C12orf42: variants seen among roughly 807,000 people sequenced by gnomAD.
C12orf42 encodes the protein uncharacterized protein C12orf42.
Under a neutral mutation model 21.6 loss-of-function variants are expected in C12orf42, and 25 were observed. The observed-to-expected ratio is 1.16, with a 90% CI of 0.84 to 1.62. The LOEUF (loss-of-function observed/expected upper bound fraction) is 1.62, where lower values mean the gene tolerates loss of function less well. Ranked by LOEUF, C12orf42 falls within the 40% of genes most tolerant of loss-of-function variation. C12orf42 has a pLI of 0.00. For synonymous variants in C12orf42, 174 were observed against 175.0 expected (o/e 0.99, Z 0.05); for missense variants, 483 against 459.3 (o/e 1.05, Z -0.47).
intron 10 of C12orf42, among the ~76,000 whole-genome samples, chr12:103,248,556 A>G (rs1283277363): frequency 6.6e-6 from 1 of 150,524 alleles, no homozygotes; most frequent in East Asian, 1.9e-4. Context: ...ATATTTATAC[A>G]TATATTACAT....
intron 10 of C12orf42, among the ~76,000 whole-genome samples, chr12:103,241,526 G>A (rs567163968): frequency 6.6e-6 from 1 of 152,270 alleles, no homozygotes; most frequent in Non-Finnish European, 1.5e-5. Flanking sequence ...ACTGCAACAT[G>A]AGTTAGGAAA....
At chr12:103,104,835 C>T in the C12orf42 span, among the ~76,000 whole-genome samples, 236 of 152,328 alleles carry the variant, frequency 1.5e-3, no homozygotes, top group Middle Eastern at 3.4e-3. Context: ...GGTTCTAACC[C>T]TGGTGGGGCT....
chr12:103,549,774 C>T, the C12orf42 span, among the ~76,000 whole-genome samples: 1 of 152,178 alleles, frequency 6.6e-6, no homozygotes, highest in Non-Finnish European at 1.5e-5. Context: ...TACCAATCTT[C>T]CAGACATCTA....
At chr12:103,363,448 G>A (rs757736199) in intron 4 of C12orf42, among the ~76,000 whole-genome samples, 2 of 151,814 alleles carry the variant, frequency 1.3e-5, no homozygotes, top group Non-Finnish European at 2.9e-5. Context: ...AAAGACCAAG[G>A]TATACAGGCA....
At chr12:103,098,627 A>T in the C12orf42 span, among the ~76,000 whole-genome samples, 1 of 152,362 alleles carries the variant, frequency 6.6e-6, no homozygotes, top group Admixed American at 6.5e-5. Flanking sequence ...GACATCGTGC[A>T]GCTTCATCTA....
At chr12:103,366,384 C>G (rs1037396536) in intron 4 of C12orf42, among the ~76,000 whole-genome samples, 1 of 151,928 alleles carries the variant, frequency 6.6e-6, no homozygotes, top group Non-Finnish European at 1.5e-5. Flanking sequence ...TTGGAAAAAC[C>G]CTTCTAGACA....
the C12orf42 span, among the ~76,000 whole-genome samples, chr12:103,193,572 C>T: frequency 6.6e-6 from 1 of 151,962 alleles, no homozygotes; most frequent in Non-Finnish European, 1.5e-5. Flanking sequence ...AACAATTATA[C>T]ACCAACAAAA....
the C12orf42 span, among the ~76,000 whole-genome samples, chr12:103,124,757 T>A: frequency 6.6e-6 from 1 of 152,128 alleles, no homozygotes; most frequent in Non-Finnish European, 1.5e-5. Flanking sequence ...ACACATCTTA[T>A]ATCTATAAAC....
chr12:103,382,063 G>A (rs1355333670), intron 3 of C12orf42, among the ~76,000 whole-genome samples: 1 of 152,198 alleles, frequency 6.6e-6, no homozygotes, highest in African/African-American at 2.4e-5. Context: ...AGAGTAGCCT[G>A]ACAGAATCAC....
chr12:103,282,179 G>A (rs1481933938), intron 4 of C12orf42, among the ~76,000 whole-genome samples: 1 of 152,162 alleles, frequency 6.6e-6, no homozygotes. Context: ...TTAAATTGGT[G>A]CCTGCATTAA....
At chr12:103,196,257 C>T in the C12orf42 span, among the ~76,000 whole-genome samples, 1 of 151,966 alleles carries the variant, frequency 6.6e-6, no homozygotes, top group Admixed American at 6.6e-5. Context: ...GATCTTCTTG[C>T]TGTTGATTTC....
intron 1 of C12orf42, among the ~76,000 whole-genome samples, chr12:103,484,357 A>C (rs897338707): frequency 6.6e-6 from 1 of 152,150 alleles, no homozygotes; most frequent in Non-Finnish European, 1.5e-5. Flanking sequence ...CGCCATTCTA[A>C]CTGGTGTGAG....
the C12orf42 span, among the ~76,000 whole-genome samples, chr12:103,076,439 T>C: frequency 6.6e-6 from 1 of 152,094 alleles, no homozygotes; most frequent in Admixed American, 6.5e-5. Context: ...AAACCCATTG[T>C]GCACCTATAG....
At chr12:103,514,854 G>A in the C12orf42 span, among the ~76,000 whole-genome samples, 3 of 152,094 alleles carry the variant, frequency 2.0e-5, no homozygotes, top group South Asian at 2.1e-4. Context: ...AGTTCAAGAC[G>A]ATAGCACACA....
chr12:103,540,879 G>A, the C12orf42 span, among the ~76,000 whole-genome samples: 4 of 151,952 alleles, frequency 2.6e-5, no homozygotes, highest in African/African-American at 9.7e-5. Context: ...GCCTTCCTCT[G>A]AATTGAATGA....
At chr12:103,239,921 T>C (rs1275681662) in intron 10 of C12orf42, among the ~76,000 whole-genome samples, 1 of 152,068 alleles carries the variant, frequency 6.6e-6, no homozygotes, top group Non-Finnish European at 1.5e-5. Context: ...GGAAGAATTG[T>C]GGAAATAAAT....
chr12:103,259,282 CTT>C (rs1158326975), intron 10 of C12orf42, among the ~76,000 whole-genome samples: 1 of 152,032 alleles, frequency 6.6e-6, no homozygotes, highest in East Asian at 1.9e-4. Flanking sequence ...GTTGTCTTAC[CTT>C]TGTTTTTTCT....
intron 3 of C12orf42, among the ~76,000 whole-genome samples, chr12:103,398,316 T>A (rs2047701736): frequency 6.6e-6 from 1 of 152,200 alleles, no homozygotes; most frequent in Non-Finnish European, 1.5e-5. Flanking sequence ...TCAGATTTCC[T>A]GTTGGTGAAT....
chr12:103,320,159 T>C (rs891180428), intron 4 of C12orf42, among the ~76,000 whole-genome samples: 2 of 152,182 alleles, frequency 1.3e-5, no homozygotes, highest in Non-Finnish European at 2.9e-5. Flanking sequence ...AGTGATGATA[T>C]CCTCTTTCAA....
Sources: allele counts gnomAD v4.1 joint callset (sites outside exome capture counted in the v4.1 genomes callset), GRCh38; gene constraint gnomAD v4.1.1; transcripts MANE v1.5; gene names NCBI Gene and HGNC (gene_info 2026-07-23, HGNC 2026-07-21).